Variants in GALNT8 observed in about 807,000 individuals in gnomAD.
The protein encoded by GALNT8 is probable polypeptide N-acetylgalactosaminyltransferase 8.
A neutral mutation model predicts 62.7 loss-of-function variants in GALNT8; 66 were observed. That is an observed-to-expected ratio of 1.05 (90% CI 0.86 to 1.29). GALNT8 has a LOEUF of 1.29. Among genes scored for constraint, GALNT8 ranks in the 50% most tolerant of loss-of-function variants. The probability of loss-of-function intolerance (pLI) is 0.00; values close to 1 mark genes in which losing one functional copy is unlikely to be tolerated. For synonymous variants in GALNT8, 288 were observed against 294.3 expected (o/e 0.98, Z 0.22); for missense variants, 771 against 791.8 (o/e 0.97, Z 0.32).
At chr12:4,766,624 G>T (rs181521867) in intron 10 of GALNT8, among the ~76,000 whole-genome samples, 10 of 152,224 alleles carry the variant, frequency 6.6e-5, no homozygotes, top group African/African-American at 2.4e-4. Flanking sequence ...GAGGGTCTTG[G>T]CTGACAACAG....
intron 6 of GALNT8, among the ~76,000 whole-genome samples, chr12:4,751,410 C>T (rs527340676): frequency 1.3e-5 from 2 of 152,108 alleles, no homozygotes; most frequent in African/African-American, 4.8e-5. Flanking sequence ...AAACATTCCT[C>T]TTAGTACTGT....
intron 2 of GALNT8, among the ~76,000 whole-genome samples, chr12:4,735,030 A>G (rs963719668): frequency 1.3e-5 from 2 of 152,232 alleles, no homozygotes; most frequent in East Asian, 3.8e-4. Context: ...AGCAGGGGCT[A>G]TCTGCTGGAA....
intron 1 of GALNT8, among the ~76,000 whole-genome samples, chr12:4,725,836 G>C (rs185736655): frequency 5.3e-5 from 8 of 152,288 alleles, no homozygotes; most frequent in African/African-American, 1.7e-4. Flanking sequence ...TTACAGGCGT[G>C]AGCCACCACG....
intron 10 of GALNT8, among the ~76,000 whole-genome samples, chr12:4,771,670 G>A (rs1946424973): frequency 6.6e-6 from 1 of 152,164 alleles, no homozygotes; most frequent in African/African-American, 2.4e-5. Flanking sequence ...AAAGGAAAGA[G>A]CCTGACCCAG....
intron 2 of GALNT8, among the ~76,000 whole-genome samples, chr12:4,737,088 C>T (rs1261643558): frequency 3.3e-5 from 5 of 152,216 alleles, no homozygotes; most frequent in African/African-American, 1.2e-4. Context: ...ATGAAGAGTT[C>T]GACTTTCATT....
chr12:4,771,163 G>T (rs1396622157), intron 10 of GALNT8, among the ~76,000 whole-genome samples: 1 of 152,214 alleles, frequency 6.6e-6, no homozygotes, highest in Non-Finnish European at 1.5e-5. Context: ...ATGCTGAGGA[G>T]GCCTGGAAGA....
At chr12:4,760,673 G>T (rs904685021) in intron 6 of GALNT8, among the ~76,000 whole-genome samples, 6 of 152,190 alleles carry the variant, frequency 3.9e-5, no homozygotes, top group Admixed American at 6.5e-5. Context: ...ACTTTCCTTG[G>T]GGATAAGGGA....
Position 4,720,825 on chromosome 12 carries a change from AATAAACGCTACGGGGCAGTG to A in GALNT8, c.154_173del (p.Arg52GlufsTer36). 23 of 1,612,324 alleles carry A rather than the reference AATAAACGCTACGGGGCAGTG, an allele frequency of 1.4e-5. No individual in the cohort carries two copies. The highest frequency in any genetic ancestry group is 2.0e-5 in the Non-Finnish European group (23 of 1,178,348). On this transcript the variant is annotated frameshift_variant, in exon 1 of 11. Transcript: ENST00000252318. LOFTEE classifies it high-confidence loss of function. ...CCACAGGGAGCTTCCTTTACATCTG[AATAAACGCTACGGGGCAGTG>A]ATAAAGAGACTCTCCCACTTGGAGG...
chr12:4,741,103 T>C lies in GALNT8; in HGVS notation c.676+1774T>C, dbSNP rs535894382. Among the ~76,000 whole-genome samples the C allele has an allele frequency of 2.6e-5, 4 of 152,314 alleles. No individual in the cohort carries two copies. The South Asian group carries it at 6.2e-4, about 24-fold the overall frequency. ...ATAAGGGCTATGAAGTGGCAGCTCA[T>C]TGGAGGCAGAATATGTTCCTTCTCT... On this transcript the variant is annotated intron_variant, in intron 3 of 10. Coordinates refer to ENST00000252318, the MANE Select transcript of GALNT8 (RefSeq NM_017417.2).
intron 10 of GALNT8, among the ~76,000 whole-genome samples, chr12:4,765,821 G>A (rs140857770): frequency 0.01 from 1,546 of 152,276 alleles, 34 homozygotes; most frequent in African/African-American, 0.035. Flanking sequence ...AATTTCTGGT[G>A]TGTTACCTAA....
At chr12:4,735,361 C>T (rs1374408021) in intron 2 of GALNT8, among the ~76,000 whole-genome samples, 1 of 152,040 alleles carries the variant, frequency 6.6e-6, no homozygotes, top group Non-Finnish European at 1.5e-5. Context: ...TCCCCCTACC[C>T]ACCGTCAGCA....
At chr12:4,721,532 G>C (rs1946169294) in intron 1 of GALNT8, among the ~76,000 whole-genome samples, 1 of 152,154 alleles carries the variant, frequency 6.6e-6, no homozygotes, top group Admixed American at 6.5e-5. Context: ...AAAGAATTAA[G>C]TGCTGTGCTT....
intron 2 of GALNT8, among the ~76,000 whole-genome samples, chr12:4,735,786 G>A (rs566647393): frequency 6.6e-6 from 1 of 152,278 alleles, no homozygotes; most frequent in South Asian, 2.1e-4. Context: ...AGAGCAGGGT[G>A]TCATTCTAGA....
chr12:4,728,204 A>T (rs528858429), intron 2 of GALNT8, among the ~76,000 whole-genome samples: 4 of 85,910 alleles, frequency 4.7e-5, no homozygotes, highest in Admixed American at 1.3e-4. Flanking sequence ...TTTTAAAAAA[A>T]AATTGGCTTA....
intron 1 of GALNT8, among the ~76,000 whole-genome samples, chr12:4,721,468 GAGA>G (rs1298082976): frequency 6.6e-6 from 1 of 152,086 alleles, no homozygotes; most frequent in African/African-American, 2.4e-5. Context: ...TAATAGTGGA[GAGA>G]AGGTCAGCAG....
intron 6 of GALNT8, among the ~76,000 whole-genome samples, chr12:4,757,973 C>T (rs143794826): frequency 1.6e-4 from 25 of 152,252 alleles, no homozygotes; most frequent in Middle Eastern, 3.4e-3. Flanking sequence ...TTCTGAGTTC[C>T]TGATGCTTTG....
intron 6 of GALNT8, among the ~76,000 whole-genome samples, chr12:4,746,675 C>T (rs1946301552): frequency 1.3e-5 from 2 of 152,172 alleles, no homozygotes; most frequent in South Asian, 4.1e-4. Flanking sequence ...GTACTCACAG[C>T]CAGAGCAGCT....
Position 4,744,620 on chromosome 12 carries a change from A to G in GALNT8, c.780A>G (p.Gln260=), listed in dbSNP as rs766677472. 8.7e-6 allele frequency: 14 copies of G among 1,613,790 alleles called. No homozygotes were observed. The highest frequency in any genetic ancestry group is 6.7e-5 in the African/African-American group (5 of 74,934). The change falls in exon 4 of 11, where the codon CAA becomes CAG. Residue 260 remains glutamine (Q), a synonymous_variant. Coordinates refer to ENST00000252318, the MANE Select transcript of GALNT8 (RefSeq NM_017417.2). ...IRHPERKGLA[Q]ARNTGWEAAT... is the part of the protein sequence containing the mutation. ...ATCCTGAAAGGAAAGGTCTTGCTCAAGCCCGCAACACTGGCTGGGAAGCTG... is the reference window on the plus strand; with the variant it reads ...ATCCTGAAAGGAAAGGTCTTGCTCAGGCCCGCAACACTGGCTGGGAAGCTG...
rs938352950 is a variant in GALNT8 at position 4,749,140 on chromosome 12, G to A, written c.1173+2882G>A. Among the ~76,000 whole-genome samples, 7 of 152,092 alleles carry A rather than the reference G, an allele frequency of 4.6e-5. No homozygotes were observed. The highest frequency in any genetic ancestry group is 1.7e-4 in the African/African-American group (7 of 41,434). On this transcript the variant is annotated intron_variant, in intron 6 of 10. Transcript: ENST00000252318. The surrounding 1 kb of genome is among the most constrained non-coding windows in gnomAD (Gnocchi z 4.1). ...TTATGTTTTTCCAATATAAGATTAT[G>A]TCATCTGCAAACAAGGGTAACTTGA...
Sources: allele counts gnomAD v4.1 joint callset (sites outside exome capture counted in the v4.1 genomes callset), GRCh38; gene constraint gnomAD v4.1.1; non-coding constraint Gnocchi (gnomAD v3.1); transcripts MANE v1.5; gene names NCBI Gene and HGNC (gene_info 2026-07-23, HGNC 2026-07-21).